Variants in FRMD4B observed in about 807,000 individuals in gnomAD.
FRMD4B encodes FERM domain-containing protein 4B.
A neutral mutation model predicts 141.5 loss-of-function variants in FRMD4B; 74 were observed. The observed-to-expected ratio is 0.52, with a 90% CI of 0.43 to 0.63. The LOEUF (loss-of-function observed/expected upper bound fraction) is 0.63, where lower values mean the gene tolerates loss of function less well. FRMD4B is among the 30% of genes least tolerant of loss of function. The pLI, the probability that FRMD4B is intolerant of heterozygous loss-of-function variation, is 0.00. For synonymous variants in FRMD4B, 506 were observed against 467.9 expected, an observed-to-expected ratio of 1.08 and a Z score of -1.05; for missense variants, 1,366 against 1,253.4, an observed-to-expected ratio of 1.09 and a Z score of -1.36.
chr3:69,182,667 G>A lies in FRMD4B; in HGVS notation c.1970C>T (p.Pro657Leu). 1 of 1,613,522 alleles carries A rather than the reference G, an allele frequency of 6.2e-7. No individual in the cohort carries two copies. The highest frequency in any genetic ancestry group is 1.1e-5 in the South Asian group (1 of 91,070). The part of the protein sequence containing the change: ...SSPYKTLERR[P>L]QGGRSMPTTP... ...GGTGGGCATGCTTCGTCCTCCCTGG[G>A]GCCGCCTCTCCAGAGTTTTGTAAGG... The change falls in exon 20 of 23, where the codon CCC (proline) becomes CTC (leucine). Residue 657 changes from proline to leucine, a missense_variant. Transcript: ENST00000398540.
intron 1 of FRMD4B, among the ~76,000 whole-genome samples, chr3:69,342,379 T>C (rs1702768173): frequency 6.6e-6 from 1 of 152,212 alleles, no homozygotes; most frequent in Admixed American, 6.5e-5. Flanking sequence ...CCAGACACTA[T>C]CAAGATGCAG....
At chr3:69,528,558 G>A (rs1418272053) in intron 1 of FRMD4B, among the ~76,000 whole-genome samples, 1 of 151,992 alleles carries the variant, frequency 6.6e-6, no homozygotes, top group African/African-American at 2.4e-5. Context: ...TAGAGATGGG[G>A]TTTTGTCATG....
rs539301687 is a variant in FRMD4B, at chr3:69,248,262, A to AAT, written c.581+962_581+963dup. Among the ~76,000 whole-genome samples the AAT allele has an allele frequency of 5.6e-4, 79 of 140,366 alleles. No homozygotes were observed. The East Asian group carries it at 0.011, about 20-fold the overall frequency. 92.1% of individuals were successfully genotyped at this position (140,366 alleles called of 152,430 possible). On this transcript the variant is annotated intron_variant, in intron 7 of 22. Coordinates refer to ENST00000398540, the MANE Select transcript of FRMD4B (RefSeq NM_015123.3). ...ATGTAAATACACACACACACACACA[A>AAT]ATATATATATATAGAGAGAGCACAA...
At chr3:69,386,493 C>T (rs1704258810), upstream of FRMD4B, among the ~76,000 whole-genome samples, 1 of 152,082 alleles carries the variant, frequency 6.6e-6, no homozygotes, top group Non-Finnish European at 1.5e-5. Flanking sequence ...TAATCTGCCT[C>T]GGGGAACACC....
intron 1 of FRMD4B, chr3:69,472,418 G>C: frequency 4.2e-6 from 2 of 471,578 alleles, no homozygotes; most frequent in Middle Eastern, 3.4e-4. Context: ...TCACTAATAT[G>C]GCCAATAATT....
At position 69,189,868 on chromosome 3, in the gene FRMD4B, T is replaced by C. The variant is rs772305927; in HGVS notation, c.1771+28A>G. The C allele has an allele frequency of 2.4e-5, 35 of 1,441,750 alleles. 1 individual carries two copies. The South Asian group carries it at 3.7e-4, about 15-fold the overall frequency. The allele number at this position is 1,441,750 out of a possible 1,614,324, so 89.3% of individuals were successfully genotyped here. On this transcript the variant is annotated intron_variant, in intron 18 of 22. Transcript: ENST00000398540. ...AATTATTTCAGAATATCTAACATTTTTAAACCAAAAAAGGAAGAGCCACTT... is the reference window on the plus strand; with the variant it reads ...AATTATTTCAGAATATCTAACATTTCTAAACCAAAAAAGGAAGAGCCACTT...
At chr3:69,210,743 G>C (rs530321230) in intron 11 of FRMD4B, among the ~76,000 whole-genome samples, 36 of 152,282 alleles carry the variant, frequency 2.4e-4, no homozygotes, top group African/African-American at 8.4e-4. Flanking sequence ...GCCGGGTGTA[G>C]TGGCACACAT....
At chr3:69,198,624 T>C in intron 12 of FRMD4B, 74 bp downstream of exon 12, 1 of 756,440 alleles carries the variant, frequency 1.3e-6, no homozygotes, top group Admixed American at 2.2e-5. Context: ...ATATAAAAAC[T>C]TGTACACAAA....
chr3:69,331,306 A>G (rs1702363827), intron 1 of FRMD4B, among the ~76,000 whole-genome samples: 1 of 152,158 alleles, frequency 6.6e-6, no homozygotes, highest in Non-Finnish European at 1.5e-5. Flanking sequence ...CAGAGGGATA[A>G]TACTGGGTGC....
At chr3:69,382,476 A>C (rs1013335633) in intron 1 of FRMD4B, among the ~76,000 whole-genome samples, 1 of 152,206 alleles carries the variant, frequency 6.6e-6, no homozygotes, top group Non-Finnish European at 1.5e-5. Flanking sequence ...CACCCAGCCC[A>C]ATCCCTCCCA....
At chr3:69,212,380 A>AAAAAAAAAAAAAAC (rs1559721543) in intron 11 of FRMD4B, among the ~76,000 whole-genome samples, 1 of 76,688 alleles carries the variant, frequency 1.3e-5, no homozygotes, top group Non-Finnish European at 2.5e-5. Context: ...AAAAAAAAAA[A>AAAAAAAAAAAAAAC]GAAAAAAAAA....
At chr3:69,401,374 T>C (rs1704561103) in intron 2 of FRMD4B, among the ~76,000 whole-genome samples, 1 of 152,216 alleles carries the variant, frequency 6.6e-6, no homozygotes, top group Non-Finnish European at 1.5e-5. Flanking sequence ...GAAATTGAAT[T>C]TACCTATTTT....
intron 1 of FRMD4B, among the ~76,000 whole-genome samples, chr3:69,450,016 C>T (rs1180851321): frequency 6.6e-6 from 1 of 150,930 alleles, no homozygotes; most frequent in Non-Finnish European, 1.5e-5. Context: ...GTTTCCCTGC[C>T]AGTAAAATGG....
intron 11 of FRMD4B, among the ~76,000 whole-genome samples, chr3:69,212,639 G>A (rs2093098190): frequency 6.6e-6 from 1 of 152,148 alleles, no homozygotes; most frequent in African/African-American, 2.4e-5. Flanking sequence ...TACAGGAGAG[G>A]AAATTAACTG....
intron 3 of FRMD4B, among the ~76,000 whole-genome samples, chr3:69,308,349 C>T (rs1420669407): frequency 6.6e-6 from 1 of 151,946 alleles, no homozygotes; most frequent in Non-Finnish European, 1.5e-5. Context: ...AGCTAGCTAT[C>T]AAGATTCTCT....
chr3:69,394,432 G>C (rs918938803), intron 2 of FRMD4B, among the ~76,000 whole-genome samples: 1 of 152,162 alleles, frequency 6.6e-6, no homozygotes. Context: ...TATTACTCTA[G>C]GAACTTAACA....
At chr3:69,538,641 A>C (rs1462495297) in intron 1 of FRMD4B, among the ~76,000 whole-genome samples, 1 of 152,232 alleles carries the variant, frequency 6.6e-6, no homozygotes, top group East Asian at 1.9e-4. Context: ...TAGTTTAAAA[A>C]TTGATTTCAC....
At chr3:69,237,642 G>T (rs955514556) in intron 7 of FRMD4B, among the ~76,000 whole-genome samples, 6 of 152,092 alleles carry the variant, frequency 3.9e-5, no homozygotes, top group Non-Finnish European at 8.8e-5. Flanking sequence ...GTGCGAGCAT[G>T]CATTTCTACA....
intron 2 of FRMD4B, among the ~76,000 whole-genome samples, chr3:69,412,910 G>C (rs1372837812): frequency 7.2e-6 from 1 of 139,598 alleles, no homozygotes; most frequent in Non-Finnish European, 1.5e-5. Flanking sequence ...CCTTGAAGTT[G>C]GGTGGGAAGC....
Sources: gnomAD v4.1 joint callset for allele counts (sites outside exome capture counted in the v4.1 genomes callset) on GRCh38, gnomAD v4.1.1 for gene constraint, MANE v1.5 for transcripts, NCBI Gene and HGNC (gene_info 2026-07-23, HGNC 2026-07-21) for gene names.